TRERF1: variants seen among roughly 807,000 people sequenced by gnomAD.
TRERF1 encodes transcriptional regulating factor 1.
Under a neutral mutation model 122.9 loss-of-function variants are expected in TRERF1, and 27 were observed. That is an observed-to-expected ratio of 0.22 (90% CI 0.16 to 0.30). The LOEUF (loss-of-function observed/expected upper bound fraction) is 0.30, where lower values mean the gene tolerates loss of function less well. Ranked by LOEUF, TRERF1 falls within the 10% of genes least tolerant of loss-of-function variation. The pLI, the probability that TRERF1 is intolerant of heterozygous loss-of-function variation, is 1.00. For synonymous variants in TRERF1, 636 were observed against 641.7 expected (o/e 0.99, Z 0.13); for missense variants, 1,248 against 1,560.3 (o/e 0.80, Z 3.37).
intron 2 of TRERF1, among the ~76,000 whole-genome samples, chr6:42,415,211 C>A (rs1330482866): frequency 6.6e-6 from 1 of 152,116 alleles, no homozygotes; most frequent in Admixed American, 6.5e-5. Flanking sequence ...GAATTTCTAT[C>A]CATGTCCTTT....
chr6:42,325,229 G>A (rs961364973), intron 3 of TRERF1, among the ~76,000 whole-genome samples: 1 of 152,080 alleles, frequency 6.6e-6, no homozygotes, highest in East Asian at 1.9e-4. Flanking sequence ...CAGTCCAAAT[G>A]GCTATTATTA....
chr6:42,335,466 G>A (rs1345448617), intron 3 of TRERF1, among the ~76,000 whole-genome samples: 1 of 152,166 alleles, frequency 6.6e-6, no homozygotes, highest in Non-Finnish European at 1.5e-5. Context: ...TTTTACAGAG[G>A]AGGAAACTGA....
At chr6:42,446,320 A>G (rs1299579176) in intron 2 of TRERF1, among the ~76,000 whole-genome samples, 1 of 152,094 alleles carries the variant, frequency 6.6e-6, no homozygotes, top group African/African-American at 2.4e-5. Context: ...TCCCTCCTTC[A>G]TCCTTGACCA....
chr6:42,366,197 C>G (rs113100294), intron 2 of TRERF1, among the ~76,000 whole-genome samples: 4,407 of 152,268 alleles, frequency 0.029, 209 homozygotes, highest in African/African-American at 0.1. Flanking sequence ...TCTAGCTTCT[C>G]TGGGCAAGAG....
At chr6:42,360,009 T>C (rs1221149770) in intron 3 of TRERF1, among the ~76,000 whole-genome samples, 1 of 152,242 alleles carries the variant, frequency 6.6e-6, no homozygotes, top group East Asian at 1.9e-4. Context: ...ATACCTTTAT[T>C]TACCTCCTCT....
intron 3 of TRERF1, among the ~76,000 whole-genome samples, chr6:42,327,965 T>G (rs1300393401): frequency 6.6e-6 from 1 of 151,626 alleles, no homozygotes; most frequent in Non-Finnish European, 1.5e-5. Flanking sequence ...ATGGTTTTCA[T>G]GCCCCAATTA....
chr6:42,394,227 C>T (rs1247037740), intron 2 of TRERF1, among the ~76,000 whole-genome samples: 1 of 151,964 alleles, frequency 6.6e-6, no homozygotes, highest in African/African-American at 2.4e-5. Flanking sequence ...GCCAGGTCAC[C>T]CCCAAACTCC....
At chr6:42,402,786 T>C (rs1449260875) in intron 2 of TRERF1, among the ~76,000 whole-genome samples, 1 of 152,174 alleles carries the variant, frequency 6.6e-6, no homozygotes, top group African/African-American at 2.4e-5. Flanking sequence ...GCTGCCCTCA[T>C]GGAGATTCTA....
chr6:42,260,630 G>A (rs1777660833), intron 8 of TRERF1, among the ~76,000 whole-genome samples: 1 of 152,162 alleles, frequency 6.6e-6, no homozygotes, highest in Admixed American at 6.5e-5. Context: ...GGGGCCACGG[G>A]GATACCTGAG....
intron 2 of TRERF1, among the ~76,000 whole-genome samples, chr6:42,449,538 A>C (rs1788106721): frequency 6.6e-6 from 1 of 152,210 alleles, no homozygotes; most frequent in Non-Finnish European, 1.5e-5. Context: ...CATAAATATA[A>C]GGAAAAAAAC....
At chr6:42,392,803 G>T (rs1777960241) in intron 2 of TRERF1, among the ~76,000 whole-genome samples, 1 of 152,060 alleles carries the variant, frequency 6.6e-6, no homozygotes, top group Non-Finnish European at 1.5e-5. Context: ...ACATATGAAA[G>T]GTGACCTATA....
chr6:42,394,650 G>GA (rs1294970947), intron 2 of TRERF1, among the ~76,000 whole-genome samples: 1 of 152,054 alleles, frequency 6.6e-6, no homozygotes, highest in Non-Finnish European at 1.5e-5. Context: ...TGGCCATTAG[G>GA]AAATGCAAAA....
chr6:42,413,413 TG>T (rs1370939750), intron 2 of TRERF1, among the ~76,000 whole-genome samples: 2 of 149,598 alleles, frequency 1.3e-5, no homozygotes, highest in Non-Finnish European at 3.0e-5. Flanking sequence ...TCGCACTTAC[TG>T]GATCAGAATC....
chr6:42,264,695 C>T lies in TRERF1; in HGVS notation c.1635+9G>A. 6.2e-7 allele frequency: 1 copy of T among 1,612,920 alleles called. No individual in the cohort carries two copies. The highest frequency in any genetic ancestry group is 8.5e-7 in the Non-Finnish European group (1 of 1,179,566). ...ACCTAGAAAGGACCGGGAACTGGCT[C>T]CTGCTAACCTGTTTGAGGTTGGGGG... On this transcript the variant is annotated intron_variant, in intron 7 of 17. Coordinates refer to ENST00000372922, the Ensembl canonical transcript of TRERF1.
At chr6:42,266,596 A>C (rs1779246353) in intron 5 of TRERF1, among the ~76,000 whole-genome samples, 1 of 152,200 alleles carries the variant, frequency 6.6e-6, no homozygotes, top group Non-Finnish European at 1.5e-5. Context: ...CTCAAGGGGA[A>C]GTTCATCTCT....
In TRERF1 at chr6:42,263,132, C is replaced by T; in HGVS notation, c.1884+188G>A. 3 of 1,320,026 alleles carry T rather than the reference C, an allele frequency of 2.3e-6. No homozygotes were observed. The highest frequency in any genetic ancestry group is 1.9e-6 in the Non-Finnish European group (2 of 1,035,506). The allele number at this position is 1,320,026 out of a possible 1,614,324, so 81.8% of individuals were successfully genotyped here. Reference sequence around the variant, plus strand: ...ACAAGGGTAGGGTTCCCAATGTGGCCACGGGTTCAGCCCTGAGAGACCAAG... The same window carrying T: ...ACAAGGGTAGGGTTCCCAATGTGGCTACGGGTTCAGCCCTGAGAGACCAAG... On this transcript the variant is annotated intron_variant, in intron 8 of 17. Transcript: ENST00000372922. This position sits in a 1 kb window ranked among gnomAD's most constrained non-coding sequence, Gnocchi z 5.6.
Position 42,242,818 on chromosome 6 carries a change from T to TACAG in TRERF1, c.2859+426_2859+429dup, listed in dbSNP as rs563347480. On this transcript the variant is annotated intron_variant, in intron 15 of 17. Transcript: ENST00000372922. ...GTCAAAGCTCCTCTTGCTCATGCTT[T>TACAG]ACAGACTGTGGCAAAATCCCAGGGA... Among the ~76,000 whole-genome samples the TACAG allele has an allele frequency of 1.2e-4, 18 of 152,350 alleles. No homozygotes were observed. The South Asian group carries it at 3.7e-3, about 32-fold the overall frequency.
chr6:42,276,417 T>A lies in TRERF1; in HGVS notation c.-258-6569A>T, dbSNP rs1347112061. ...CAGTTAGAGACTGTATACACAATTC[T>A]CCAAATGCCTTGGCTTGTGTTTTAG... On this transcript the variant is annotated intron_variant, in intron 4 of 17. Coordinates refer to ENST00000372922, the Ensembl canonical transcript of TRERF1. The surrounding 1 kb of genome is among the most constrained non-coding windows in gnomAD (Gnocchi z 4.3). Among the ~76,000 whole-genome samples the A allele has an allele frequency of 6.6e-6, 1 of 152,164 alleles. No individual in the cohort carries two copies. The highest frequency in any genetic ancestry group is 6.5e-5 in the Admixed American group (1 of 15,268).
intron 3 of TRERF1, among the ~76,000 whole-genome samples, chr6:42,328,344 A>AC (rs982663285): frequency 1.3e-5 from 2 of 152,238 alleles, no homozygotes; most frequent in Non-Finnish European, 2.9e-5. Flanking sequence ...AAACAAACAA[A>AC]AAAACAACTT....
Sources: allele counts gnomAD v4.1 joint callset (sites outside exome capture counted in the v4.1 genomes callset), GRCh38; gene constraint gnomAD v4.1.1; non-coding constraint Gnocchi (gnomAD v3.1); transcripts MANE v1.5; gene names NCBI Gene and HGNC (gene_info 2026-07-23, HGNC 2026-07-21).